ZFAT: variants seen among roughly 807,000 people sequenced by gnomAD.
ZFAT encodes the protein zinc finger and AT-hook domain containing.
Under a neutral mutation model 117.7 loss-of-function variants are expected in ZFAT, and 64 were observed. The ratio of observed to expected loss-of-function variants is 0.54; its 90% CI spans 0.44 to 0.67. The LOEUF (loss-of-function observed/expected upper bound fraction) is 0.67, where lower values mean the gene tolerates loss of function less well. Among genes scored for constraint, ZFAT ranks in the 30% least tolerant of loss-of-function variants. ZFAT has a pLI of 0.00. For missense variants in ZFAT, 1,433 were observed against 1,584.5 expected (o/e 0.90, Z 1.62); for synonymous variants, 679 against 615.0 (o/e 1.10, Z -1.54).
chr8:134,645,872 GACA>G (rs1428983116), intron 2 of ZFAT, among the ~76,000 whole-genome samples: 1 of 152,102 alleles, frequency 6.6e-6, no homozygotes, highest in African/African-American at 2.4e-5. Context: ...CTCCAAAACA[GACA>G]ACATTTTAGG....
chr8:134,734,944 C>A, the ZFAT span, among the ~76,000 whole-genome samples: 1 of 152,178 alleles, frequency 6.6e-6, no homozygotes, highest in African/African-American at 2.4e-5. Flanking sequence ...CCGTTCCTCT[C>A]AAGTCTGTCA....
At chr8:134,610,782 C>T in intron 3 of ZFAT, 127 bp from the exon 4 acceptor site, 1 of 1,058,388 alleles carries the variant, frequency 9.4e-7, no homozygotes, top group East Asian at 2.5e-5. Context: ...GCCACGCAGA[C>T]CACGGAATCA....
intron 10 of ZFAT, among the ~76,000 whole-genome samples, chr8:134,566,318 C>T (rs1017503794): frequency 1.4e-5 from 2 of 139,770 alleles, no homozygotes; most frequent in African/African-American, 2.7e-5. Flanking sequence ...GGCGTGAACC[C>T]GGGAGGTGGA....
chr8:134,610,200 C>A (rs573789143), intron 4 of ZFAT, among the ~76,000 whole-genome samples: 1 of 152,336 alleles, frequency 6.6e-6, no homozygotes, highest in Non-Finnish European at 1.5e-5. Context: ...GCTCCCGGAA[C>A]CACTACTCCA....
chr8:134,624,009 A>T (rs1450766781), intron 3 of ZFAT, among the ~76,000 whole-genome samples: 2 of 152,168 alleles, frequency 1.3e-5, no homozygotes, highest in African/African-American at 4.8e-5. Context: ...ACTCTAAGAA[A>T]CTACTATACA....
At chr8:134,675,290 G>A (rs1367289224) in intron 1 of ZFAT, among the ~76,000 whole-genome samples, 2 of 152,228 alleles carry the variant, frequency 1.3e-5, no homozygotes, top group African/African-American at 2.4e-5. Flanking sequence ...AACACAGCAC[G>A]AAAATTTCAT....
chr8:134,609,629 C>T, intron 4 of ZFAT, among the ~76,000 whole-genome samples: 1 of 152,172 alleles, frequency 6.6e-6, no homozygotes, highest in Non-Finnish European at 1.5e-5. Context: ...CTGTAGCTGT[C>T]CTTAAAATCC....
In ZFAT at chr8:134,607,743, C is replaced by T. The variant is rs968493979; in HGVS notation, c.785+986G>A. On this transcript the variant is annotated intron_variant, in intron 5 of 15. Transcript: ENST00000377838. ...CACTGGCAACTGGCATTTTCTTTGT[C>T]TTTCCTTCTAGCTGGGAGAAATGTT... Among the ~76,000 whole-genome samples, 4 of 152,224 alleles carry T rather than the reference C, an allele frequency of 2.6e-5. No homozygotes were observed. The East Asian group carries it at 7.7e-4, about 29-fold the overall frequency.
chr8:134,782,623 G>A, the ZFAT span, among the ~76,000 whole-genome samples: 5 of 152,086 alleles, frequency 3.3e-5, no homozygotes, highest in Non-Finnish European at 7.4e-5. Flanking sequence ...CTGTTCTCAT[G>A]GTAGTGAATA....
chr8:134,611,439 G>C (rs1477370109), intron 3 of ZFAT, among the ~76,000 whole-genome samples: 2 of 152,254 alleles, frequency 1.3e-5, no homozygotes, highest in Non-Finnish European at 2.9e-5. Context: ...TAGGAAGCAG[G>C]GAGACAGAAA....
chr8:134,557,856 T>C (rs1647051103), intron 11 of ZFAT, among the ~76,000 whole-genome samples: 2 of 152,236 alleles, frequency 1.3e-5, no homozygotes, highest in Admixed American at 1.3e-4. Flanking sequence ...CATACACACA[T>C]GTAGGCACAC....
chr8:134,662,403 A>G (rs1425339655), intron 1 of ZFAT, among the ~76,000 whole-genome samples: 1 of 152,166 alleles, frequency 6.6e-6, no homozygotes, highest in Non-Finnish European at 1.5e-5. Context: ...GGTGGAAGAG[A>G]AGAGGGGTTG....
At chr8:134,716,143 TTATATATA>T (rs375486869), upstream of ZFAT, among the ~76,000 whole-genome samples, 2 of 142,158 alleles carry the variant, frequency 1.4e-5, no homozygotes, top group African/African-American at 2.6e-5. Flanking sequence ...TAAAATTTAT[TTATATATA>T]TATATATATG....
the ZFAT span, among the ~76,000 whole-genome samples, chr8:134,733,706 T>G: frequency 1.3e-5 from 2 of 152,232 alleles, no homozygotes; most frequent in African/African-American, 2.4e-5. Context: ...CCTCTGAAGT[T>G]CCCTCTATGA....
rs772353400 is a variant in ZFAT at position 134,637,522 on chromosome 8, G to C, written c.387C>G (p.Arg129=). The change falls in exon 3 of 16, where the codon CGC becomes CGG. Residue 129 remains arginine, a synonymous_variant. Transcript: ENST00000377838. ...TAATGCAGATGTGCTTCCGCAGCTG[G>C]CGCGTGTTGGAGAACTTCCGACAGC... ...SKCCRKFSNT[R]QLRKHICIIV... The C allele has an allele frequency of 1.9e-6, 3 of 1,614,122 alleles. No homozygotes were observed. The highest frequency in any genetic ancestry group is 8.5e-7 in the Non-Finnish European group (1 of 1,179,974).
the ZFAT span, among the ~76,000 whole-genome samples, chr8:134,811,926 C>T: frequency 6.6e-6 from 1 of 152,026 alleles, no homozygotes; most frequent in Non-Finnish European, 1.5e-5. Flanking sequence ...GGTGGATCAC[C>T]TGAGGTCAGG....
At chr8:134,528,829 G>A (rs890956644) in intron 12 of ZFAT, among the ~76,000 whole-genome samples, 14 of 152,210 alleles carry the variant, frequency 9.2e-5, no homozygotes, top group East Asian at 3.8e-4. Context: ...AACCTGGGCA[G>A]GAATAACAAT....
chr8:134,492,173 C>T (rs1281978971), intron 15 of ZFAT, among the ~76,000 whole-genome samples: 1 of 151,946 alleles, frequency 6.6e-6, no homozygotes, highest in Non-Finnish European at 1.5e-5. Context: ...AAGCAACTGC[C>T]CTCCTAGGAA....
chr8:134,636,709 A>C (rs1395893000), intron 3 of ZFAT, among the ~76,000 whole-genome samples: 1 of 152,204 alleles, frequency 6.6e-6, no homozygotes, highest in East Asian at 1.9e-4. Context: ...AACAGAACCC[A>C]CAGCAGAGGC....
Sources: allele counts gnomAD v4.1 joint callset (sites outside exome capture counted in the v4.1 genomes callset), GRCh38; gene constraint gnomAD v4.1.1; transcripts MANE v1.5; gene names NCBI Gene and HGNC (gene_info 2026-07-23, HGNC 2026-07-21).